The following TNR variants were observed in gnomAD, a reference collection of about 807,000 sequenced individuals.
TNR encodes the protein tenascin R.
TNR carries 45 observed loss-of-function variants against 150.4 expected under a neutral mutation model. The ratio of observed to expected loss-of-function variants is 0.30; its 90% CI spans 0.24 to 0.38. The LOEUF is 0.38. Among genes scored for constraint, TNR ranks in the 10% least tolerant of loss-of-function variants. The pLI is 1.00. For missense variants in TNR, 1,544 were observed against 1,759.1 expected, an observed-to-expected ratio of 0.88 and a Z score of 2.19; for synonymous variants, 687 against 678.4, an observed-to-expected ratio of 1.01 and a Z score of -0.20.
In TNR at chr1:175,385,893, T is replaced by C. The variant is rs1456950347; in HGVS notation, c.1777+139A>G. The C allele has an allele frequency of 3.0e-6, 3 of 985,400 alleles. No homozygotes were observed. The African/African-American group carries it at 4.9e-5, about 16-fold the overall frequency. The allele number at this position is 985,400 out of a possible 1,614,324, so 61.0% of individuals were successfully genotyped here. ...TGTATGCTGGAAACCTCTTGCTTCC[T>C]TCTCGCGGTGTCTATGACAAGGCCA... On this transcript the variant is annotated intron_variant, in intron 8 of 22. Coordinates refer to ENST00000367674, the MANE Select transcript of TNR (RefSeq NM_003285.3).
chr1:175,705,581 ATGTATGTG>A (rs1666826344), intron 1 of TNR, among the ~76,000 whole-genome samples: 1 of 151,940 alleles, frequency 6.6e-6, no homozygotes, highest in African/African-American at 2.4e-5. Context: ...GTGTGTACCT[ATGTATGTG>A]TGTATGTGTG....
intron 1 of TNR, among the ~76,000 whole-genome samples, chr1:175,666,116 C>T (rs906390052): frequency 2.6e-5 from 4 of 152,174 alleles, no homozygotes; most frequent in Non-Finnish European, 4.4e-5. Flanking sequence ...TAAACTCAAA[C>T]GTCATATAAC....
At chr1:175,432,309 G>A (rs1464519546) in intron 2 of TNR, among the ~76,000 whole-genome samples, 2 of 152,190 alleles carry the variant, frequency 1.3e-5, no homozygotes, top group South Asian at 2.1e-4. Context: ...CATTTTCTAG[G>A]CATTGCAGGA....
chr1:175,718,529 C>T (rs997474765), intron 1 of TNR, among the ~76,000 whole-genome samples: 7 of 152,214 alleles, frequency 4.6e-5, no homozygotes, highest in African/African-American at 1.4e-4. Flanking sequence ...GCAGGACCCA[C>T]GGTGTTTGTC....
chr1:175,461,092 T>G (rs905247113), intron 2 of TNR, among the ~76,000 whole-genome samples: 8 of 152,120 alleles, frequency 5.3e-5, no homozygotes, highest in Non-Finnish European at 1.5e-5. Context: ...CAGTGAAAAA[T>G]TACTCAAAGC....
At chr1:175,590,044 C>T (rs1386419131) in intron 1 of TNR, among the ~76,000 whole-genome samples, 1 of 152,030 alleles carries the variant, frequency 6.6e-6, no homozygotes, top group Non-Finnish European at 1.5e-5. Context: ...TTCCTTTTGC[C>T]TCAGACCCTA....
chr1:175,374,272 C>T (rs1449221150), intron 9 of TNR, among the ~76,000 whole-genome samples: 1 of 152,216 alleles, frequency 6.6e-6, no homozygotes, highest in Non-Finnish European at 1.5e-5. Flanking sequence ...AGCCGACCTT[C>T]TCACCACTAG....
In TNR at chr1:175,594,895, T is replaced by C. The variant is rs956810712; in HGVS notation, c.-164-66526A>G. Among the ~76,000 whole-genome samples the C allele has an allele frequency of 1.0e-4, 15 of 148,896 alleles. No homozygotes were observed. In the East Asian group the frequency reaches 2.9e-3, roughly 29 times the overall value. On this transcript the variant is annotated intron_variant, in intron 1 of 22. Coordinates refer to ENST00000367674, the MANE Select transcript of TNR (RefSeq NM_003285.3). ...AAAAAAAATTATTGGCTGGGCATGG[T>C]GGCTCAAGCCTGTAATCCCAACACT... is the stretch of plus-strand genomic sequence containing the variant.
chr1:175,450,632 T>C (rs1656264204), intron 2 of TNR, among the ~76,000 whole-genome samples: 2 of 152,240 alleles, frequency 1.3e-5, no homozygotes. Flanking sequence ...ATCTTCTTTC[T>C]CTGTAGCTAG....
At chr1:175,394,054 A>G (rs1653305285) in intron 5 of TNR, among the ~76,000 whole-genome samples, 159 bp from the exon 6 acceptor site, 1 of 152,272 alleles carries the variant, frequency 6.6e-6, no homozygotes, top group Non-Finnish European at 1.5e-5. Flanking sequence ...TCCCAGGTGC[A>G]GAATCAACCC....
At chr1:175,514,617 G>A (rs556989794) in intron 2 of TNR, among the ~76,000 whole-genome samples, 7 of 152,294 alleles carry the variant, frequency 4.6e-5, no homozygotes, top group East Asian at 1.9e-4. Flanking sequence ...TGGTAAAAAC[G>A]TAGTGTACCT....
chr1:175,558,242 T>C (rs1011957536), intron 1 of TNR, among the ~76,000 whole-genome samples: 321 of 143,512 alleles, frequency 2.2e-3, no homozygotes, highest in African/African-American at 8.0e-3. Flanking sequence ...CTGCACAATA[T>C]GCACATGTAC....
At chr1:175,621,302 C>T (rs1355800813) in intron 1 of TNR, among the ~76,000 whole-genome samples, 2 of 152,184 alleles carry the variant, frequency 1.3e-5, no homozygotes, top group African/African-American at 4.8e-5. Context: ...CTTCTAATGC[C>T]TCCTTACTGC....
chr1:175,482,610 T>G (rs541897357), intron 2 of TNR, among the ~76,000 whole-genome samples: 10 of 152,094 alleles, frequency 6.6e-5, no homozygotes, highest in African/African-American at 2.4e-4. Flanking sequence ...TGAAAACAAA[T>G]GTACACTGAG....
chr1:175,644,329 G>A (rs1050819461), intron 1 of TNR, among the ~76,000 whole-genome samples: 2 of 152,150 alleles, frequency 1.3e-5, no homozygotes, highest in African/African-American at 4.8e-5. Flanking sequence ...ATAACCCCCA[G>A]CTGCAATCAA....
chr1:175,698,429 T>C (rs1184005904), intron 1 of TNR, among the ~76,000 whole-genome samples: 2 of 151,818 alleles, frequency 1.3e-5, no homozygotes, highest in African/African-American at 4.8e-5. Context: ...AGTGCAAAGG[T>C]GCTGACATCC....
intron 1 of TNR, among the ~76,000 whole-genome samples, chr1:175,592,228 A>T (rs1662828425): frequency 6.6e-6 from 1 of 152,236 alleles, no homozygotes; most frequent in South Asian, 2.1e-4. Context: ...GTCCATAATA[A>T]GTGCTCAACA....
chr1:175,441,174 C>A (rs1315711619), intron 2 of TNR, among the ~76,000 whole-genome samples: 1 of 152,146 alleles, frequency 6.6e-6, no homozygotes, highest in Non-Finnish European at 1.5e-5. Context: ...GGCATTAACA[C>A]AGGTTGGTAA....
rs191679720 is a variant in TNR, at chr1:175,656,291, T to A, written c.-165+86935A>T. On this transcript the variant is annotated intron_variant, in intron 1 of 22. Coordinates refer to ENST00000367674, the MANE Select transcript of TNR (RefSeq NM_003285.3). ...CCTGAGGTGTTACACAAACCAGCAA[T>A]GACCTCGGCTACGTGGTGGGTCACG... 5.3e-5 allele frequency among the ~76,000 whole-genome samples: 8 copies of A among 152,098 alleles called. No individual in the cohort carries two copies. In the East Asian group the frequency reaches 1.6e-3, roughly 30 times the overall value.
Sources: gnomAD v4.1 joint callset for allele counts (sites outside exome capture counted in the v4.1 genomes callset) on GRCh38, gnomAD v4.1.1 for gene constraint, MANE v1.5 for transcripts, NCBI Gene and HGNC (gene_info 2026-07-23, HGNC 2026-07-21) for gene names.